Variants in SLC9D1 observed in about 807,000 individuals in gnomAD.
The protein encoded by SLC9D1 is putative LAG1-interacting protein.
the SLC9D1 span, among the ~76,000 whole-genome samples, chr13:113,522,161 G>C: frequency 6.6e-6 from 1 of 152,188 alleles, no homozygotes; most frequent in Non-Finnish European, 1.5e-5. Context: ...GAAGCATTCA[G>C]TCTCTCACCA....
the SLC9D1 span, chr13:113,510,135 A>G: frequency 9.2e-7 from 1 of 1,085,334 alleles, no homozygotes; most frequent in Non-Finnish European, 1.4e-6. Context: ...ACAAAAGCTC[A>G]GCTCTGCCTC....
the SLC9D1 span, among the ~76,000 whole-genome samples, chr13:113,506,554 TGTGA>T: frequency 0.17 from 25,699 of 147,292 alleles, 2,764 homozygotes; most frequent in African/African-American, 0.32. Context: ...GGCGTGTGTG[TGTGA>T]GTGTGTGTGT....
the SLC9D1 span, among the ~76,000 whole-genome samples, chr13:113,499,033 A>G: frequency 0.21 from 32,423 of 152,132 alleles, 4,257 homozygotes; most frequent in African/African-American, 0.37. Flanking sequence ...AGCAAGGGGT[A>G]GGTTATTCAT....
chr13:113,548,469 C>T, the SLC9D1 span: 78 of 1,594,110 alleles, frequency 4.9e-5, no homozygotes, highest in Middle Eastern at 2.3e-4. Context: ...GGCTTCCCCC[C>T]GCGGAGCGCT....
At chr13:113,543,212 G>A in the SLC9D1 span, among the ~76,000 whole-genome samples, 3 of 62,290 alleles carry the variant, frequency 4.8e-5, no homozygotes, top group Admixed American at 1.7e-4. Flanking sequence ...CCCTCTGTCC[G>A]TGACCACCTC....
At chr13:113,530,811 A>T in the SLC9D1 span, among the ~76,000 whole-genome samples, 1 of 152,236 alleles carries the variant, frequency 6.6e-6, no homozygotes. Flanking sequence ...AAGGTCTCCT[A>T]TACCTTAATA....
At chr13:113,501,475 A>C in the SLC9D1 span, among the ~76,000 whole-genome samples, 1 of 152,204 alleles carries the variant, frequency 6.6e-6, no homozygotes, top group African/African-American at 2.4e-5. Context: ...TCTGGGGGGC[A>C]GGGGAGGATC....
chr13:113,495,574 C>T, the SLC9D1 span: 4 of 1,528,828 alleles, frequency 2.6e-6, no homozygotes, highest in Non-Finnish European at 2.6e-6. Flanking sequence ...GCCCTCCGGA[C>T]CTGGATCATG....
the SLC9D1 span, among the ~76,000 whole-genome samples, chr13:113,509,038 CTGA>C: frequency 2.7e-5 from 4 of 148,422 alleles, no homozygotes; most frequent in Non-Finnish European, 4.5e-5. Context: ...GGTGGGTCCC[CTGA>C]CACTGCCTGT....
At chr13:113,537,017 C>T in the SLC9D1 span, among the ~76,000 whole-genome samples, 1 of 152,230 alleles carries the variant, frequency 6.6e-6, no homozygotes, top group Non-Finnish European at 1.5e-5. Flanking sequence ...CCAGCGTCCA[C>T]TTCCCGATGG....
the SLC9D1 span, among the ~76,000 whole-genome samples, chr13:113,523,001 A>G: frequency 2.6e-5 from 4 of 152,292 alleles, no homozygotes; most frequent in Non-Finnish European, 5.9e-5. Flanking sequence ...CATACCTGGG[A>G]TAATTCCCCG....
At chr13:113,548,765 C>A in the SLC9D1 span, among the ~76,000 whole-genome samples, 1 of 152,146 alleles carries the variant, frequency 6.6e-6, no homozygotes, top group Non-Finnish European at 1.5e-5. Flanking sequence ...AAGTAGCACC[C>A]CAGAAACGTG....
At chr13:113,513,316 G>A in the SLC9D1 span, among the ~76,000 whole-genome samples, 1 of 152,254 alleles carries the variant, frequency 6.6e-6, no homozygotes, top group South Asian at 2.1e-4. Context: ...CCAGAGCACC[G>A]CCCACCCAGC....
chr13:113,539,268 G>C, the SLC9D1 span: 1 of 1,237,922 alleles, frequency 8.1e-7, no homozygotes, highest in South Asian at 1.3e-5. The surrounding 1 kb of genome is among the most constrained non-coding windows in gnomAD (Gnocchi z 4.8). Flanking sequence ...TGTCGTGGTG[G>C]CTCTGCTGGG....
chr13:113,504,730 C>T, the SLC9D1 span: 2 of 152,156 alleles, frequency 1.3e-5, no homozygotes, highest in African/African-American at 2.4e-5. Context: ...TATTGATGGG[C>T]ATTTGGGCTG....
At chr13:113,537,276 A>G in the SLC9D1 span, among the ~76,000 whole-genome samples, 1 of 152,284 alleles carries the variant, frequency 6.6e-6, no homozygotes, top group South Asian at 2.1e-4. Context: ...CACCATCACC[A>G]CTACCCAATT....
chr13:113,500,559 C>T, the SLC9D1 span, among the ~76,000 whole-genome samples: 28,206 of 152,148 alleles, frequency 0.19, 3,460 homozygotes, highest in African/African-American at 0.35. Context: ...CAGTGCCTGG[C>T]GTTCCAGATG....
chr13:113,522,920 G>A, the SLC9D1 span, among the ~76,000 whole-genome samples: 18 of 152,172 alleles, frequency 1.2e-4, no homozygotes, highest in Admixed American at 7.9e-4. Flanking sequence ...ATGAGCCACC[G>A]TGCCTGGCCT....
chr13:113,535,967 A>T, the SLC9D1 span, among the ~76,000 whole-genome samples: 1 of 152,230 alleles, frequency 6.6e-6, no homozygotes, highest in Admixed American at 6.5e-5. This position sits in a 1 kb window ranked among gnomAD's most constrained non-coding sequence, Gnocchi z 4.1. Flanking sequence ...CCGTATCAGC[A>T]CCTGAGTGGG....
Sources: gnomAD v4.1 joint callset for allele counts (sites outside exome capture counted in the v4.1 genomes callset) on GRCh38, gnomAD v4.1.1 for gene constraint, Gnocchi (gnomAD v3.1) non-coding constraint, MANE v1.5 for transcripts, NCBI Gene and HGNC (gene_info 2026-07-23, HGNC 2026-07-21) for gene names.